Variants in ACTN1 observed in about 807,000 individuals in gnomAD.
The protein encoded by ACTN1 is actinin alpha 1, also known as alpha-actinin-1.
ACTN1 carries 30 observed loss-of-function variants against 119.6 expected under a neutral mutation model. That is an observed-to-expected ratio of 0.25 (90% confidence interval 0.19 to 0.34). ACTN1 has a LOEUF of 0.34. ACTN1 is among the 10% of genes least tolerant of loss of function. The pLI, the probability that ACTN1 is intolerant of heterozygous loss-of-function variation, is 1.00. For synonymous variants in ACTN1, 429 were observed against 472.6 expected (o/e 0.91, Z 1.20); for missense variants, 764 against 1,223.4 (o/e 0.62, Z 5.60).
In ACTN1 at chr14:68,894,144, T is replaced by A. The variant is rs567429519; in HGVS notation, c.763-397A>T. Among the ~76,000 whole-genome samples, 12 of 152,314 alleles carry A rather than the reference T, an allele frequency of 7.9e-5. No homozygotes were observed. In the South Asian group the frequency reaches 8.3e-4, roughly 11 times the overall value. On this transcript the variant is annotated intron_variant, in intron 8 of 21. Coordinates refer to ENST00000394419, the MANE Select transcript of ACTN1 (RefSeq NM_001130004.2). ...CACTGGAACTGCAAGGCTTAGGACC[T>A]CTGGCTGGATTTTCCAGGGTCTTGG...
intron 8 of ACTN1, among the ~76,000 whole-genome samples, chr14:68,899,771 A>C (rs906981622): frequency 2.0e-5 from 3 of 152,136 alleles, no homozygotes; most frequent in African/African-American, 7.2e-5. Flanking sequence ...CCTGAAGGAG[A>C]AGGGGAGAGA....
intron 8 of ACTN1, among the ~76,000 whole-genome samples, chr14:68,893,960 G>C (rs890863443): frequency 6.6e-5 from 10 of 152,166 alleles, no homozygotes; most frequent in African/African-American, 2.4e-4. Flanking sequence ...CCTGGACAGA[G>C]GTCTTGGTGG....
At chr14:68,918,904 C>A (rs1489929479) in intron 3 of ACTN1, among the ~76,000 whole-genome samples, 8 of 152,356 alleles carry the variant, frequency 5.3e-5, no homozygotes, top group South Asian at 4.1e-4. Context: ...TGATGACACT[C>A]TTCCACTCTA....
intron 6 of ACTN1, among the ~76,000 whole-genome samples, chr14:68,907,259 T>TAAAAAA (rs775481921): frequency 1.4e-5 from 1 of 72,984 alleles, no homozygotes. Context: ...AAGACTCTCT[T>TAAAAAA]AAAAAAAAAA....
At position 68,902,467 on chromosome 14, in the gene ACTN1, C is replaced by A. The variant is rs1450644417; in HGVS notation, c.762+10G>T. ...TGCTGGGCATGGAAGGAGCAGGGGG[C>A]CCCGGGTACCTTCTGGGCTCCAGAG... On this transcript the variant is annotated intron_variant, in intron 8 of 21. Transcript: ENST00000394419. 6.2e-7 allele frequency: 1 copy of A among 1,612,528 alleles called. No homozygotes were observed. Among genetic ancestry groups the A allele is most frequent in the South Asian group, 1.1e-5 (1 of 91,012 alleles).
At chr14:68,948,010 A>G (rs2035997461) in intron 1 of ACTN1, among the ~76,000 whole-genome samples, 1 of 152,188 alleles carries the variant, frequency 6.6e-6, no homozygotes, top group African/African-American at 2.4e-5. Flanking sequence ...AGCAACTCCC[A>G]TCTCCCTGGG....
At chr14:68,955,382 C>T (rs759706168) in intron 1 of ACTN1, among the ~76,000 whole-genome samples, 2 of 152,170 alleles carry the variant, frequency 1.3e-5, no homozygotes, top group African/African-American at 2.4e-5. Context: ...AATGACTAGG[C>T]GCTCACCGTG....
chr14:68,889,305 C>A (rs916191522), intron 11 of ACTN1, among the ~76,000 whole-genome samples: 4 of 151,998 alleles, frequency 2.6e-5, no homozygotes, highest in Admixed American at 1.3e-4. Context: ...TAATTGGAGG[C>A]CAGGAAATAG....
At chr14:68,876,602 G>A (rs2030924481) in intron 21 of ACTN1, among the ~76,000 whole-genome samples, 1 of 152,190 alleles carries the variant, frequency 6.6e-6, no homozygotes. Context: ...GTGGAGTGTT[G>A]CAGGGTACTT....
intron 1 of ACTN1, among the ~76,000 whole-genome samples, chr14:68,968,124 T>C (rs1453802183): frequency 9.2e-5 from 14 of 152,090 alleles, no homozygotes; most frequent in East Asian, 3.9e-4. Flanking sequence ...CAGGGACCCA[T>C]AGGTACGGAC....
At chr14:68,948,445 G>T (rs1189772420) in intron 1 of ACTN1, among the ~76,000 whole-genome samples, 2 of 152,156 alleles carry the variant, frequency 1.3e-5, no homozygotes, top group Non-Finnish European at 2.9e-5. Context: ...GGGCATGGTG[G>T]CGAGCGCCTG....
chr14:68,909,822 C>G lies in ACTN1; in HGVS notation c.515+133G>C, dbSNP rs150936549. Reference sequence around the variant, plus strand: ...CAGAGCGATGGCGACATCCCCTTCCCAAGGAAAGCTACTTCTTCCCCCAGA... The same window carrying G: ...CAGAGCGATGGCGACATCCCCTTCCGAAGGAAAGCTACTTCTTCCCCCAGA... On this transcript the variant is annotated intron_variant, in intron 5 of 21. Coordinates refer to ENST00000394419, the MANE Select transcript of ACTN1 (RefSeq NM_001130004.2). The surrounding 1 kb of genome is among the most constrained non-coding windows in gnomAD (Gnocchi z 4.1). 598 of 726,850 alleles carry G rather than the reference C, an allele frequency of 8.2e-4. 7 individuals carry two copies. In the East Asian group the frequency reaches 0.015, roughly 18 times the overall value. 45.0% of individuals were successfully genotyped at this position (726,850 alleles called of 1,614,324 possible). A position where few individuals can be genotyped will look rare whatever the true frequency, so the allele number is the denominator to read the frequency against.
At chr14:68,927,625 T>C (rs1056355008) in intron 1 of ACTN1, among the ~76,000 whole-genome samples, 1 of 152,038 alleles carries the variant, frequency 6.6e-6, no homozygotes, top group Admixed American at 6.5e-5. Flanking sequence ...ACAGTGCTCT[T>C]AGGGACCCCC....
Position 68,874,593 on chromosome 14 carries a change from T to A in ACTN1, c.*266A>T, listed in dbSNP as rs1357679839. The A allele has an allele frequency of 3.0e-6, 1 of 328,478 alleles. No homozygotes were observed. Among genetic ancestry groups the A allele is most frequent in the Non-Finnish European group, 5.5e-6 (1 of 182,956 alleles). The allele number at this position is 328,478 out of a possible 1,614,324, so 20.3% of individuals were successfully genotyped here. ...TGCAAATAGTTAATCTTTCCTCTTT[T>A]TTTCCATTTGTCTGGTGGAGAAAAA... On this transcript the variant is annotated 3_prime_UTR_variant, in exon 22 of 22. Transcript: ENST00000394419.
intron 1 of ACTN1, among the ~76,000 whole-genome samples, chr14:68,959,208 CT>C (rs1238197913): frequency 1.3e-5 from 2 of 152,206 alleles, no homozygotes; most frequent in Non-Finnish European, 2.9e-5. Context: ...TCTCAAAGGA[CT>C]TGTGCCTCTC....
At chr14:68,913,307 A>G (rs1400766105) in intron 3 of ACTN1, among the ~76,000 whole-genome samples, 1 of 152,208 alleles carries the variant, frequency 6.6e-6, no homozygotes, top group Non-Finnish European at 1.5e-5. Context: ...TAGATTCCAC[A>G]CCCACTCATC....
Position 68,879,999 on chromosome 14 carries a change from A to G in ACTN1, c.2243T>C (p.Met748Thr). ...RDAKGISQEQ[M>T]NEFRASFNHF... ...GTTGAAGGAGGCCCGGAACTCATTC[A>G]TCTGCTCCTGGCTGATGCCCTTGGC... The change falls in exon 18 of 22, where the codon ATG (methionine) becomes ACG (threonine). Residue 748 changes from methionine (M) to threonine (T), a missense_variant. Met to Thr is a moderately conservative substitution (Grantham distance 81, BLOSUM62 -1). Around this residue, in one of 4 missense-constraint regions of ACTN1, gnomAD observed 544 missense variants for 912.0 expected, o/e 0.60. Transcript: ENST00000394419. The surrounding 1 kb of genome is among the most constrained non-coding windows in gnomAD (Gnocchi z 4.9). The G allele has an allele frequency of 6.2e-7, 1 of 1,614,188 alleles. No homozygotes were observed. Among genetic ancestry groups the G allele is most frequent in the Non-Finnish European group, 8.5e-7 (1 of 1,180,000 alleles).
chr14:68,953,844 C>T (rs901113986), intron 1 of ACTN1, among the ~76,000 whole-genome samples: 1 of 150,946 alleles, frequency 6.6e-6, no homozygotes, highest in African/African-American at 2.4e-5. Flanking sequence ...CAAGATCGCG[C>T]CACTGCACTC....
chr14:68,898,238 A>G (rs1323059364), intron 8 of ACTN1, among the ~76,000 whole-genome samples: 1 of 152,334 alleles, frequency 6.6e-6, no homozygotes. Context: ...CAAGCTACAT[A>G]AACAAAATCT....
Sources: gnomAD v4.1 joint callset for allele counts (sites outside exome capture counted in the v4.1 genomes callset) on GRCh38, gnomAD v4.1.1 for gene constraint, gnomAD v4.1.1 regional missense constraint, Gnocchi (gnomAD v3.1) non-coding constraint, MANE v1.5 for transcripts, NCBI Gene and HGNC (gene_info 2026-07-23, HGNC 2026-07-21) for gene names.